The following CPA6 variants were observed in gnomAD, a reference collection of about 807,000 sequenced individuals.
CPA6 encodes carboxypeptidase B.
Under a neutral mutation model 63.3 loss-of-function variants are expected in CPA6, and 58 were observed. That is an observed-to-expected ratio of 0.92 (90% CI 0.74 to 1.14). CPA6 has a LOEUF of 1.14. Among genes scored for constraint, CPA6 ranks in the 50% most tolerant of loss-of-function variants. The probability of loss-of-function intolerance (pLI) is 0.00; values close to 1 mark genes in which losing one functional copy is unlikely to be tolerated. For missense variants in CPA6, 565 were observed against 526.6 expected (o/e 1.07, Z -0.71); for synonymous variants, 185 against 179.0 (o/e 1.03, Z -0.27).
intron 6 of CPA6, among the ~76,000 whole-genome samples, chr8:67,489,750 G>T (rs1811565327): frequency 6.6e-6 from 1 of 151,816 alleles, no homozygotes; most frequent in South Asian, 2.1e-4. Flanking sequence ...AAATTTGTCT[G>T]CTATTTTAAC....
chr8:67,633,448 A>C (rs1340309082), intron 1 of CPA6, among the ~76,000 whole-genome samples: 1 of 152,134 alleles, frequency 6.6e-6, no homozygotes, highest in Non-Finnish European at 1.5e-5. Flanking sequence ...TTGGGAGGCC[A>C]AGGCGGGTGG....
intron 2 of CPA6, among the ~76,000 whole-genome samples, chr8:67,614,944 T>C (rs1412379968): frequency 1.3e-5 from 2 of 152,234 alleles, no homozygotes; most frequent in South Asian, 2.1e-4. Context: ...TTAAGCACCA[T>C]GCTAACTGCT....
chr8:67,727,392 C>T (rs1360298096), intron 1 of CPA6, among the ~76,000 whole-genome samples: 2 of 152,146 alleles, frequency 1.3e-5, no homozygotes, highest in African/African-American at 4.8e-5. Flanking sequence ...TTAGATGCTG[C>T]CTCAGAATCA....
intron 8 of CPA6, among the ~76,000 whole-genome samples, chr8:67,460,266 T>C (rs909116697): frequency 2.0e-5 from 3 of 152,246 alleles, no homozygotes; most frequent in Non-Finnish European, 2.9e-5. Context: ...TGAATCAATC[T>C]GCCCCACAGC....
At chr8:67,519,925 T>C (rs1054194148) in intron 2 of CPA6, among the ~76,000 whole-genome samples, 9 of 152,236 alleles carry the variant, frequency 5.9e-5, no homozygotes, top group Non-Finnish European at 1.0e-4. Flanking sequence ...TTTTCTATTT[T>C]TTTATTTATT....
intron 1 of CPA6, among the ~76,000 whole-genome samples, chr8:67,700,804 A>G (rs1052756158): frequency 1.3e-5 from 2 of 152,200 alleles, no homozygotes; most frequent in Non-Finnish European, 2.9e-5. Context: ...ATATCCCAGC[A>G]TTCACAGTTC....
At chr8:67,622,312 C>T (rs1381975749) in intron 2 of CPA6, among the ~76,000 whole-genome samples, 2 of 152,172 alleles carry the variant, frequency 1.3e-5, no homozygotes, top group African/African-American at 4.8e-5. Context: ...TAATAAGTTC[C>T]TGGTGGACTA....
intron 2 of CPA6, among the ~76,000 whole-genome samples, chr8:67,530,871 C>T (rs1339014196): frequency 6.6e-6 from 1 of 152,178 alleles, no homozygotes; most frequent in African/African-American, 2.4e-5. Flanking sequence ...AAATGCAAAA[C>T]CTCTCCAGAT....
At chr8:67,675,082 T>C (rs1816439872) in intron 1 of CPA6, among the ~76,000 whole-genome samples, 1 of 152,192 alleles carries the variant, frequency 6.6e-6, no homozygotes, top group Non-Finnish European at 1.5e-5. Flanking sequence ...CCATGCTCAC[T>C]ACCTGGGTGA....
intron 2 of CPA6, among the ~76,000 whole-genome samples, chr8:67,566,162 C>T (rs1352819706): frequency 6.6e-6 from 1 of 152,220 alleles, no homozygotes; most frequent in African/African-American, 2.4e-5. Flanking sequence ...CTCCTCTCTT[C>T]CCATTGTCGT....
chr8:67,512,333 G>T lies in CPA6; in HGVS notation c.318-678C>A, dbSNP rs193061586. Among the ~76,000 whole-genome samples the T allele has an allele frequency of 1.2e-3, 181 of 152,188 alleles. 1 individual carries two copies. Among genetic ancestry groups the T allele is most frequent in the African/African-American group, 4.2e-3 (175 of 41,514 alleles). ...TCACTACCCAGCACCCCTGACCCAA[G>T]ACAGAGAGAAAAGGGAAAGGGGAAA... On this transcript the variant is annotated intron_variant, in intron 3 of 10. Transcript: ENST00000297770.
chr8:67,689,218 A>G (rs1279385549), intron 1 of CPA6, among the ~76,000 whole-genome samples: 3 of 152,148 alleles, frequency 2.0e-5, no homozygotes, highest in Non-Finnish European at 4.4e-5. Context: ...CTAGTTATAG[A>G]CATGTACATA....
intron 8 of CPA6, among the ~76,000 whole-genome samples, chr8:67,438,582 A>G (rs538487580): frequency 1.8e-4 from 28 of 152,348 alleles, no homozygotes; most frequent in African/African-American, 6.3e-4. Flanking sequence ...TGAAGAAAGT[A>G]TTCCCACAAA....
intron 1 of CPA6, among the ~76,000 whole-genome samples, chr8:67,675,052 T>G (rs1816439039): frequency 6.6e-6 from 1 of 152,046 alleles, no homozygotes. Flanking sequence ...GGTTGAAAAA[T>G]TACCTGTATC....
intron 1 of CPA6, among the ~76,000 whole-genome samples, chr8:67,642,837 T>C (rs1393034582): frequency 1.5e-5 from 2 of 134,862 alleles, no homozygotes; most frequent in East Asian, 4.1e-4. Context: ...CAAGTCAAAA[T>C]GGATTAAGAA....
At chr8:67,667,078 AC>A (rs1208898816) in intron 1 of CPA6, among the ~76,000 whole-genome samples, 2 of 152,134 alleles carry the variant, frequency 1.3e-5, no homozygotes, top group East Asian at 3.9e-4. Flanking sequence ...TTCTTTAATT[AC>A]CTGGAACCAA....
At chr8:67,612,073 G>C (rs1379218305) in intron 2 of CPA6, among the ~76,000 whole-genome samples, 1 of 152,142 alleles carries the variant, frequency 6.6e-6, no homozygotes, top group African/African-American at 2.4e-5. Flanking sequence ...TCTGTTTCCT[G>C]ACTGGACCTT....
chr8:67,554,917 C>T (rs921920566), intron 2 of CPA6, among the ~76,000 whole-genome samples: 1 of 152,184 alleles, frequency 6.6e-6, no homozygotes, highest in Admixed American at 6.5e-5. Context: ...ATGCCAATCT[C>T]CAGAAACACC....
intron 2 of CPA6, among the ~76,000 whole-genome samples, chr8:67,528,321 T>C (rs1012649677): frequency 6.6e-5 from 10 of 152,094 alleles, no homozygotes; most frequent in African/African-American, 2.4e-4. Context: ...AGAGGCTCCA[T>C]TCAGAGGCTT....
Sources: gnomAD v4.1 joint callset for allele counts (sites outside exome capture counted in the v4.1 genomes callset) on GRCh38, gnomAD v4.1.1 for gene constraint, MANE v1.5 for transcripts, NCBI Gene and HGNC (gene_info 2026-07-23, HGNC 2026-07-21) for gene names.